Variants in KCNH8 observed in about 807,000 individuals in gnomAD.
KCNH8 encodes the protein potassium voltage-gated channel subfamily H member 8, also known as voltage-gated delayed rectifier potassium channel KCNH8.
KCNH8 carries 70 observed loss-of-function variants against 103.6 expected under a neutral mutation model. The ratio of observed to expected loss-of-function variants is 0.68; its 90% CI spans 0.56 to 0.82. KCNH8 has a LOEUF of 0.82. Among genes scored for constraint, KCNH8 ranks in the 40% least tolerant of loss-of-function variants. The pLI, the probability that KCNH8 is intolerant of heterozygous loss-of-function variation, is 0.00. For missense variants in KCNH8, 1,217 were observed against 1,329.9 expected (o/e 0.92, Z 1.32); for synonymous variants, 498 against 489.4 (o/e 1.02, Z -0.23).
chr3:19,273,060 T>C (rs569221984), intron 2 of KCNH8, among the ~76,000 whole-genome samples: 48 of 152,298 alleles, frequency 3.2e-4, no homozygotes, highest in African/African-American at 1.1e-3. Flanking sequence ...ATGTTTTCTT[T>C]TGGATCCTAA....
At chr3:19,353,496 C>G (rs1254052484) in intron 5 of KCNH8, among the ~76,000 whole-genome samples, 2 of 152,168 alleles carry the variant, frequency 1.3e-5, no homozygotes, top group Non-Finnish European at 2.9e-5. Context: ...AAAGTACTGG[C>G]AAACCAAATC....
At chr3:19,444,489 GA>G (rs1329997228) in intron 8 of KCNH8, among the ~76,000 whole-genome samples, 1 of 151,824 alleles carries the variant, frequency 6.6e-6, no homozygotes, top group East Asian at 1.9e-4. Flanking sequence ...AGCCTTAAAG[GA>G]AAAGAATGAT....
chr3:19,533,913 C>T lies in KCNH8; in HGVS notation c.3138C>T (p.Leu1046=), dbSNP rs778499830. Reference sequence around the variant, plus strand: ...CGGAAACATCTTTGCACCTAGTTCTCCCAAGCAGATCAGAGGAGGGCAGCT... The same window carrying T: ...CGGAAACATCTTTGCACCTAGTTCTTCCAAGCAGATCAGAGGAGGGCAGCT... The part of the protein sequence containing the change: ...SSSETSLHLV[L]PSRSEEGSFS... The change falls in exon 16 of 16, where the codon CTC becomes CTT. Residue 1046 remains leucine (L), a synonymous_variant. Coordinates refer to ENST00000328405, the MANE Select transcript of KCNH8 (RefSeq NM_144633.3). 113 of 1,614,030 alleles carry T rather than the reference C, an allele frequency of 7.0e-5. No individual in the cohort carries two copies. The highest frequency in any genetic ancestry group is 9.5e-5 in the Non-Finnish European group (112 of 1,180,028).
At chr3:19,416,670 T>C (rs2066867916) in intron 7 of KCNH8, among the ~76,000 whole-genome samples, 1 of 152,164 alleles carries the variant, frequency 6.6e-6, no homozygotes, top group Non-Finnish European at 1.5e-5. Context: ...ATATACAGAA[T>C]TTTGGTGGTG....
Position 19,513,059 on chromosome 3 carries a change from G to A in KCNH8, c.2169G>A (p.Glu723=). The change falls in exon 13 of 16, where the codon GAG becomes GAA. Residue 723 remains glutamate (E), a synonymous_variant. Coordinates refer to ENST00000328405, the MANE Select transcript of KCNH8 (RefSeq NM_144633.3). Reference sequence around the variant, plus strand: ...AGGAGGAGGAGGGGGAGGAAGAGGAGGCAGTCTCCCTCTCTCCCATCTGCA... The same window carrying A: ...AGGAGGAGGAGGGGGAGGAAGAGGAAGCAGTCTCCCTCTCTCCCATCTGCA... ...EEEEEEGEEE[E]AVSLSPICTR... 1 of 1,613,694 alleles carries A rather than the reference G, an allele frequency of 6.2e-7. No homozygotes were observed.
chr3:19,298,946 G>C lies in KCNH8; in HGVS notation c.442+17617G>C, dbSNP rs1199189609. Reference sequence around the variant, plus strand: ...CAAAAAAAAAAAAAAAAAAAAAAGAGAAACAATTAGATTTGAGGGGTAAAA... The same window carrying C: ...CAAAAAAAAAAAAAAAAAAAAAAGACAAACAATTAGATTTGAGGGGTAAAA... On this transcript the variant is annotated intron_variant, in intron 3 of 15. Coordinates refer to ENST00000328405, the MANE Select transcript of KCNH8 (RefSeq NM_144633.3). Among the ~76,000 whole-genome samples, 3 of 144,370 alleles carry C rather than the reference G, an allele frequency of 2.1e-5. No homozygotes were observed. In the East Asian group the frequency reaches 6.0e-4, roughly 29 times the overall value. The allele number at this position is 144,370 out of a possible 152,430, so 94.7% of individuals were successfully genotyped here. A position where few individuals can be genotyped will look rare whatever the true frequency, so the allele number is the denominator to read the frequency against.
chr3:19,475,943 G>A (rs949695184), intron 11 of KCNH8, among the ~76,000 whole-genome samples: 6 of 152,072 alleles, frequency 3.9e-5, no homozygotes, highest in African/African-American at 1.2e-4. Context: ...GATGCTCCAC[G>A]CACCAATTTT....
At chr3:19,526,311 T>C (rs576545697) in intron 15 of KCNH8, among the ~76,000 whole-genome samples, 3 of 152,058 alleles carry the variant, frequency 2.0e-5, no homozygotes, top group South Asian at 2.1e-4. Flanking sequence ...ACCACATTTT[T>C]TCTCTGCCTA....
intron 4 of KCNH8, among the ~76,000 whole-genome samples, chr3:19,343,830 G>A (rs2065693744): frequency 6.6e-6 from 1 of 152,054 alleles, no homozygotes; most frequent in Non-Finnish European, 1.5e-5. Flanking sequence ...AGCCCAGGGT[G>A]AGGAACGAGA....
intron 1 of KCNH8, among the ~76,000 whole-genome samples, chr3:19,180,500 G>A (rs914589966): frequency 2.0e-4 from 30 of 152,072 alleles, no homozygotes; most frequent in African/African-American, 3.4e-4. Context: ...AATTGCCAAC[G>A]TTATAACAAG....
At chr3:19,417,936 T>A (rs1400597580) in intron 7 of KCNH8, among the ~76,000 whole-genome samples, 2 of 152,186 alleles carry the variant, frequency 1.3e-5, no homozygotes, top group African/African-American at 4.8e-5. Context: ...TTTAAATGTA[T>A]TCTCATTAGA....
intron 3 of KCNH8, among the ~76,000 whole-genome samples, chr3:19,316,423 G>T (rs2065275338): frequency 1.3e-5 from 2 of 151,896 alleles, no homozygotes; most frequent in South Asian, 4.1e-4. Flanking sequence ...TAACATACAA[G>T]ATTAAGGAAT....
chr3:19,169,752 A>G (rs2063323071), intron 1 of KCNH8, among the ~76,000 whole-genome samples: 1 of 152,230 alleles, frequency 6.6e-6, no homozygotes, highest in Non-Finnish European at 1.5e-5. Context: ...GTTTTATAAC[A>G]AAGATAACCT....
Position 19,450,293 on chromosome 3 carries a change from A to G in KCNH8, c.1563A>G (p.Ile521Met). 1 of 1,612,192 alleles carries G rather than the reference A, an allele frequency of 6.2e-7. No homozygotes were observed. Among genetic ancestry groups the G allele is most frequent in the South Asian group, 1.1e-5 (1 of 91,058 alleles). ...FQTTWSVNNG[I>M]DSNELLKDFP... is the part of the protein sequence containing the mutation. The stretch of plus-strand genomic sequence containing the variant: ...CAACCTGGTCAGTCAACAATGGAAT[A>G]GATTCAAATGAGGTAATGTTCATTT... Residue 521 changes from isoleucine (I) to methionine (M), a missense_variant, in exon 9 of 16, where the codon ATA (isoleucine) becomes ATG (methionine). Transcript: ENST00000328405.
chr3:19,253,631 A>C (rs750921698), intron 1 of KCNH8, 23 bp from the exon 2 acceptor site: 1 of 1,529,700 alleles, frequency 6.5e-7, no homozygotes, highest in South Asian at 1.1e-5. Flanking sequence ...GTTGCTGAGT[A>C]TCTTCTCCTT....
intron 15 of KCNH8, among the ~76,000 whole-genome samples, chr3:19,524,770 A>C (rs1382825156): frequency 6.6e-6 from 1 of 151,888 alleles, no homozygotes; most frequent in Non-Finnish European, 1.5e-5. Context: ...CCAAGTAAAA[A>C]CCAATGTTGC....
At position 19,358,192 on chromosome 3, in the gene KCNH8, CCTT is replaced by C. The variant is rs1295256680; in HGVS notation, c.811+10231_811+10233del. Reference sequence around the variant, plus strand: ...CCTTTTCTTCCTTCCTTCCTTCCTTCCTTCTTTTTTCTTTCTCTTTCTCTTTCC... The same window carrying C: ...CCTTTTCTTCCTTCCTTCCTTCCTTCCTTTTTTCTTTCTCTTTCTCTTTCC... On this transcript the variant is annotated intron_variant, in intron 5 of 15. Transcript: ENST00000328405. Among the ~76,000 whole-genome samples the C allele has an allele frequency of 5.3e-5, 8 of 150,974 alleles. No individual in the cohort carries two copies. In the South Asian group the frequency reaches 1.7e-3, roughly 32 times the overall value.
At chr3:19,241,915 T>C (rs977199091) in intron 1 of KCNH8, among the ~76,000 whole-genome samples, 6 of 151,270 alleles carry the variant, frequency 4.0e-5, no homozygotes, top group African/African-American at 1.2e-4. Flanking sequence ...GCCATGATGA[T>C]AGAGAATAGT....
At chr3:19,176,942 G>C (rs1372224898) in intron 1 of KCNH8, among the ~76,000 whole-genome samples, 1 of 151,882 alleles carries the variant, frequency 6.6e-6, no homozygotes, top group East Asian at 1.9e-4. Context: ...TCTATTTAAG[G>C]CAACTTTAAT....
Sources: gnomAD v4.1 joint callset for allele counts (sites outside exome capture counted in the v4.1 genomes callset) on GRCh38, gnomAD v4.1.1 for gene constraint, MANE v1.5 for transcripts, NCBI Gene and HGNC (gene_info 2026-07-23, HGNC 2026-07-21) for gene names.